IGSF10: variants seen among roughly 807,000 people sequenced by gnomAD.
IGSF10 encodes the protein immunoglobulin superfamily member 10, also known as calvaria mechanical force protein 608.
A neutral mutation model predicts 128.2 loss-of-function variants in IGSF10; 126 were observed. That is an observed-to-expected ratio of 0.98 (90% CI 0.85 to 1.14). The LOEUF (loss-of-function observed/expected upper bound fraction) is 1.14. IGSF10 is among the 50% of genes most tolerant of loss of function. IGSF10 has a pLI of 0.00. For missense variants in IGSF10, 3,295 were observed against 3,149.8 expected (o/e 1.05, Z -1.10); for synonymous variants, 1,185 against 1,146.2 (o/e 1.03, Z -0.68).
At chr3:151,463,531 T>G (rs1287965886), upstream of IGSF10, among the ~76,000 whole-genome samples, 4 of 61,738 alleles carry the variant, frequency 6.5e-5, no homozygotes, top group East Asian at 7.3e-4. Flanking sequence ...TGGTTTTTTT[T>G]TTTTTTTTTT....
the IGSF10 span, among the ~76,000 whole-genome samples, chr3:151,567,816 A>C: frequency 6.6e-6 from 1 of 152,034 alleles, no homozygotes; most frequent in African/African-American, 2.4e-5. Context: ...CCTTTCCACA[A>C]AACTGCAGTA....
chr3:151,496,757 G>C, the IGSF10 span, among the ~76,000 whole-genome samples: 4 of 151,834 alleles, frequency 2.6e-5, no homozygotes, highest in African/African-American at 9.7e-5. Context: ...TTTCCACACT[G>C]ACTTCCACAA....
chr3:151,480,622 T>C, the IGSF10 span, among the ~76,000 whole-genome samples: 1 of 152,018 alleles, frequency 6.6e-6, no homozygotes, highest in African/African-American at 2.4e-5. Context: ...TATCTATCCC[T>C]GAGGCTCGGC....
chr3:151,503,306 C>T, the IGSF10 span, among the ~76,000 whole-genome samples: 1 of 151,782 alleles, frequency 6.6e-6, no homozygotes, highest in Non-Finnish European at 1.5e-5. Context: ...AGCAGATTCA[C>T]AAGGTCTTCA....
Position 151,436,815 on chromosome 3 carries a change from C to T in IGSF10, c.7746G>A (p.Glu2582=), listed in dbSNP as rs1450342821. The T allele has an allele frequency of 1.9e-6, 3 of 1,613,970 alleles. No individual in the cohort carries two copies. The highest frequency in any genetic ancestry group is 2.2e-5 in the East Asian group (1 of 44,878). The change falls in exon 8 of 8, where the codon GAG becomes GAA. Residue 2582 remains glutamate (E), a synonymous_variant. Transcript: ENST00000282466. ...CTAGGGTACCTTGTAAGTGAAGCTG[C>T]TCACTTCCATGTGTCCTCTCTTTAC... ...TASKERTHGS[E]QLHLQGTLVI...
Position 151,453,555 on chromosome 3 carries a change from A to G in IGSF10, c.544T>C (p.Phe182Leu), listed in dbSNP as rs777660299. Residue 182 changes from phenylalanine to leucine, a missense_variant, in exon 5 of 8, where the codon TTT (phenylalanine) becomes CTT (leucine). Physicochemically the swap from Phe to Leu is conservative, Grantham distance 22. Coordinates refer to ENST00000282466, the MANE Select transcript of IGSF10 (RefSeq NM_178822.5). ...TFVSLSYLQI[F>L]KISFIKFLYL... ...AGGAACTTAATGAAAGAGATTTTAAATATCTGGAGGTAGCTCAAAGAGACA... is the reference window on the plus strand; with the variant it reads ...AGGAACTTAATGAAAGAGATTTTAAGTATCTGGAGGTAGCTCAAAGAGACA... 4 of 1,614,050 alleles carry G rather than the reference A, an allele frequency of 2.5e-6. No individual in the cohort carries two copies. The highest frequency in any genetic ancestry group is 1.7e-5 in the Admixed American group (1 of 60,012).
chr3:151,610,418 T>C, the IGSF10 span, among the ~76,000 whole-genome samples: 2 of 152,198 alleles, frequency 1.3e-5, no homozygotes, highest in African/African-American at 4.8e-5. Context: ...GTAGCTCACA[T>C]GGGACAAAGC....
the IGSF10 span, among the ~76,000 whole-genome samples, chr3:151,553,106 T>C: frequency 6.6e-6 from 1 of 152,144 alleles, no homozygotes; most frequent in Non-Finnish European, 1.5e-5. Context: ...ACCTTTCTAA[T>C]ACAAAGTAGA....
chr3:151,496,007 G>A, the IGSF10 span, among the ~76,000 whole-genome samples: 1 of 152,080 alleles, frequency 6.6e-6, no homozygotes, highest in African/African-American at 2.4e-5. Flanking sequence ...TTAAGGTTCA[G>A]TCTGATACTC....
the IGSF10 span, among the ~76,000 whole-genome samples, chr3:151,504,985 T>C: frequency 6.6e-6 from 1 of 152,192 alleles, no homozygotes; most frequent in Non-Finnish European, 1.5e-5. Flanking sequence ...TTCCAAACTT[T>C]CCCACATTTT....
the IGSF10 span, among the ~76,000 whole-genome samples, chr3:151,519,816 G>A: frequency 3.0e-4 from 46 of 151,742 alleles, no homozygotes; most frequent in African/African-American, 9.9e-4. Flanking sequence ...GACATACTGG[G>A]CCTGTAGGCT....
chr3:151,477,647 G>A, the IGSF10 span, among the ~76,000 whole-genome samples: 981 of 152,258 alleles, frequency 6.4e-3, 7 homozygotes, highest in Admixed American at 0.013. Flanking sequence ...AAAAATCACC[G>A]ACCATCATAG....
chr3:151,564,355 T>A, the IGSF10 span, among the ~76,000 whole-genome samples: 22 of 151,926 alleles, frequency 1.4e-4, no homozygotes, highest in African/African-American at 5.3e-4. Context: ...ATTGGCAGCT[T>A]TGGATCAAAT....
chr3:151,441,940 G>A (rs55827025), intron 7 of IGSF10, among the ~76,000 whole-genome samples: 15,652 of 152,014 alleles, frequency 0.1, 1,097 homozygotes, highest in Middle Eastern at 0.18. Flanking sequence ...GGGTGCCTGT[G>A]GTCCCAGCTA....
At chr3:151,543,885 C>A in the IGSF10 span, among the ~76,000 whole-genome samples, 4 of 152,120 alleles carry the variant, frequency 2.6e-5, no homozygotes, top group African/African-American at 7.2e-5. Context: ...ACTCCCTACC[C>A]CTAAGTGCTC....
At chr3:151,434,652 G>A (rs1309078653), downstream of IGSF10, 2 of 151,976 alleles carry the variant, frequency 1.3e-5, no homozygotes, top group African/African-American at 4.8e-5. Context: ...TGACTGCATT[G>A]GCAAATCAAC....
chr3:151,445,719 A>T lies in IGSF10; in HGVS notation c.4262T>A (p.Ile1421Asn). The change falls in exon 6 of 8, where the codon ATT (isoleucine) becomes AAT (asparagine). Residue 1421 changes from isoleucine to asparagine, a missense_variant. By Grantham distance (149) the Ile-to-Asn change is moderately radical. Coordinates refer to ENST00000282466, the MANE Select transcript of IGSF10 (RefSeq NM_178822.5). ...AGTACTTGCTTGGGCTAGTTCTTCA[A>T]TCACATCTGTCAGATTAAGAGTTCT... ...HSRTLNLTDVIEELAQASTQT... is the reference protein window; with the variant it reads ...HSRTLNLTDVNEELAQASTQT... 6.2e-7 allele frequency: 1 copy of T among 1,614,062 alleles called. No individual in the cohort carries two copies. Among genetic ancestry groups the T allele is most frequent in the Non-Finnish European group, 8.5e-7 (1 of 1,180,034 alleles).
the IGSF10 span, among the ~76,000 whole-genome samples, chr3:151,505,657 A>C: frequency 1.3e-5 from 2 of 152,214 alleles, no homozygotes; most frequent in Non-Finnish European, 2.9e-5. Flanking sequence ...TACAGTGGAC[A>C]TTGCAAATGA....
chr3:151,528,800 GTTTTTT>G, the IGSF10 span, among the ~76,000 whole-genome samples: 1 of 146,260 alleles, frequency 6.8e-6, no homozygotes, highest in African/African-American at 2.5e-5. Context: ...AGCTGCAGGA[GTTTTTT>G]TTTTTTTTTT....
Sources: gnomAD v4.1 joint callset for allele counts (sites outside exome capture counted in the v4.1 genomes callset) on GRCh38, gnomAD v4.1.1 for gene constraint, MANE v1.5 for transcripts, NCBI Gene and HGNC (gene_info 2026-07-23, HGNC 2026-07-21) for gene names.